The following ADPRS variants were observed in gnomAD, a reference collection of about 807,000 sequenced individuals.
ADPRS encodes ADP-ribosylhydrolase ARH3.
Under a neutral mutation model 32.1 loss-of-function variants are expected in ADPRS, and 25 were observed. That is an observed-to-expected ratio of 0.78 (90% CI 0.57 to 1.09). The LOEUF (loss-of-function observed/expected upper bound fraction) is 1.09. Ranked by LOEUF, ADPRS falls within the 50% of genes least tolerant of loss-of-function variation. The pLI is 0.00. For missense variants in ADPRS, 482 were observed against 480.6 expected, an observed-to-expected ratio of 1.00 and a Z score of -0.03; for synonymous variants, 225 against 201.0, an observed-to-expected ratio of 1.12 and a Z score of -1.01.
chr1:36,093,367 G>T lies in ADPRS; in HGVS notation c.1073G>T (p.Arg358Leu), dbSNP rs139356242. 93 of 1,613,476 alleles carry T rather than the reference G, an allele frequency of 5.8e-5. No individual in the cohort carries two copies. The African/African-American group carries it at 1.1e-3, about 20-fold the overall frequency. Residue 358 changes from arginine (R) to leucine (L), a missense_variant, in exon 6 of 6, where the codon CGT (arginine) becomes CTT (leucine). Transcript: ENST00000373178. Reference protein sequence around the residue: ...ETDILAQSLHRVFQKS With the variant: ...ETDILAQSLHLVFQKS ...GACATCCTGGCCCAAAGCCTGCACC[G>T]TGTCTTCCAGAAGAGTTGATGAGGG...
In ADPRS at chr1:36,091,618, A is replaced by AT; in HGVS notation, c.312dup (p.Ala105CysfsTer9). 1 of 1,586,690 alleles carries AT rather than the reference A, an allele frequency of 6.3e-7. No individual in the cohort carries two copies. ...TTCTGTCTCCCCTTCTGTTCCCTAGATTTGCTCAGGAGTACAAGAAAGACC... is the reference window on the plus strand; with the variant it reads ...TTCTGTCTCCCCTTCTGTTCCCTAGATTTTGCTCAGGAGTACAAGAAAGACC... On this transcript the variant is annotated frameshift_variant and splice_region_variant, in exon 3 of 6. Coordinates refer to ENST00000373178, the MANE Select transcript of ADPRS (RefSeq NM_017825.3). LOFTEE classifies it high-confidence loss of function.
At position 36,092,113 on chromosome 1, in the gene ADPRS, G is replaced by T; in HGVS notation, c.701+19G>T. ...CCAGGGAGTGAGTATGGGGCTGGAG[G>T]TGTGTGGTGTGGGTATGTGGGTGAT... is the stretch of plus-strand genomic sequence containing the variant. On this transcript the variant is annotated intron_variant, in intron 4 of 5. Transcript: ENST00000373178. The T allele has an allele frequency of 6.3e-7, 1 of 1,585,594 alleles. No individual in the cohort carries two copies. The highest frequency in any genetic ancestry group is 8.6e-7 in the Non-Finnish European group (1 of 1,162,730).
chr1:36,091,561 C>T (rs763266328), intron 2 of ADPRS, 57 bp from the exon 3 acceptor site: 23 of 1,495,304 alleles, frequency 1.5e-5, no homozygotes, highest in Non-Finnish European at 2.0e-5. Context: ...TTTCTTCTCT[C>T]CCAACCCTTA....
Position 36,089,127 on chromosome 1 carries a change from C to A in ADPRS, c.211+12C>A, listed in dbSNP as rs748847636. ...GAGTGAGCGGACAGGTGGGCGGGGC[C>A]GGGCGCAAGTCAGAGGCCGTGCGGG... On this transcript the variant is annotated intron_variant, in intron 1 of 5. Coordinates refer to ENST00000373178, the MANE Select transcript of ADPRS (RefSeq NM_017825.3). 1.4e-5 allele frequency: 20 copies of A among 1,403,274 alleles called. No individual in the cohort carries two copies. In the African/African-American group the frequency reaches 1.8e-4, roughly 13 times the overall value. 86.9% of individuals were successfully genotyped at this position (1,403,274 alleles called of 1,614,324 possible). A position where few individuals can be genotyped will look rare whatever the true frequency, so the allele number is the denominator to read the frequency against.
In ADPRS at chr1:36,091,972, G is replaced by C. The variant is rs1570012354; in HGVS notation, c.579G>C (p.Leu193=). 3.1e-6 allele frequency: 5 copies of C among 1,613,708 alleles called. No individual in the cohort carries two copies. In the East Asian group the frequency reaches 1.1e-4, roughly 36 times the overall value. Residue 193 remains leucine (L), a synonymous_variant, in exon 4 of 6, where the codon CTG becomes CTC. Coordinates refer to ENST00000373178, the MANE Select transcript of ADPRS (RefSeq NM_017825.3). The part of the protein sequence containing the change: ...ASSLGYNGAI[L]QALAVHLALQ... ...CCCTGGGTTACAATGGCGCCATCCT[G>C]CAGGCCCTGGCTGTGCACCTGGCCT...
rs1643439742 is a variant in ADPRS at position 36,088,986 on chromosome 1, G to C, written c.82G>C (p.Ala28Pro). Residue 28 changes from alanine (A) to proline (P), a missense_variant, in exon 1 of 6, where the codon GCT becomes CCT. Transcript: ENST00000373178. Reference sequence around the variant, plus strand: ...CCTCTCGCGCTTCCGAGGCTGCCTGGCTGGCGCGCTGCTCGGGGACTGCGT... The same window carrying C: ...CCTCTCGCGCTTCCGAGGCTGCCTGCCTGGCGCGCTGCTCGGGGACTGCGT... Reference protein sequence around the residue: ...RSLSRFRGCLAGALLGDCVGS... With the variant: ...RSLSRFRGCLPGALLGDCVGS... The C allele has an allele frequency of 6.7e-7, 1 of 1,484,660 alleles. No individual in the cohort carries two copies. The highest frequency in any genetic ancestry group is 1.5e-5 in the African/African-American group (1 of 68,080). The allele number at this position is 1,484,660 out of a possible 1,614,324, so 92.0% of individuals were successfully genotyped here.
chr1:36,091,505 G>T (rs923149943), intron 2 of ADPRS, 113 bp from the exon 3 acceptor site: 3 of 1,222,680 alleles, frequency 2.5e-6, no homozygotes, highest in South Asian at 2.9e-5. Context: ...GCTGGTGCAG[G>T]CTCCTTAGGC....
rs1192569244 is a variant in ADPRS, at chr1:36,089,019, T to C, written c.115T>C (p.Phe39Leu). The change falls in exon 1 of 6, where the codon TTC becomes CTC. Residue 39 changes from phenylalanine to leucine, a missense_variant. Physicochemically the swap from Phe to Leu is conservative, Grantham distance 22. Coordinates refer to ENST00000373178, the MANE Select transcript of ADPRS (RefSeq NM_017825.3). ...GCTGCTCGGGGACTGCGTGGGCTCC[T>C]TCTACGAGGCCCACGACACCGTCGA... ...GALLGDCVGS[F>L]YEAHDTVDLT... 6.8e-7 allele frequency: 1 copy of C among 1,476,754 alleles called. No homozygotes were observed. Among genetic ancestry groups the C allele is most frequent in the Admixed American group, 2.6e-5 (1 of 38,784 alleles). 91.5% of individuals were successfully genotyped at this position (1,476,754 alleles called of 1,614,324 possible).
chr1:36,092,083 G>A lies in ADPRS; in HGVS notation c.690G>A (p.Leu230=). ...EDLEGDAQSV[L]DARELGMEER... Reference sequence around the variant, plus strand: ...TGGAGGGTGATGCCCAGTCCGTCTTGGATGCCAGGGAGTGAGTATGGGGCT... The same window carrying A: ...TGGAGGGTGATGCCCAGTCCGTCTTAGATGCCAGGGAGTGAGTATGGGGCT... Residue 230 remains leucine (L), a synonymous_variant, in exon 4 of 6, where the codon TTG becomes TTA. Coordinates refer to ENST00000373178, the MANE Select transcript of ADPRS (RefSeq NM_017825.3). 1 of 1,606,832 alleles carries A rather than the reference G, an allele frequency of 6.2e-7. No homozygotes were observed. Among genetic ancestry groups the A allele is most frequent in the South Asian group, 1.1e-5 (1 of 90,156 alleles).
chr1:36,089,193 T>TC (rs1557732393), intron 1 of ADPRS, 78 bp downstream of exon 1: 1 of 1,354,104 alleles, frequency 7.4e-7, no homozygotes, highest in Non-Finnish European at 9.5e-7. Context: ...GGGCGACGGG[T>TC]CGGGGGTGCG....
In ADPRS at chr1:36,091,324, G is replaced by T; in HGVS notation, c.292G>T (p.Val98Leu). The T allele has an allele frequency of 1.2e-6, 2 of 1,614,126 alleles. No individual in the cohort carries two copies. The highest frequency in any genetic ancestry group is 1.1e-5 in the South Asian group (1 of 91,086). ...GCTAGCCAAGGAGGCCTTTGACGAG[G>T]TGGACATGGCTCACAGGTGAGGGGG... ...SLLAKEAFDEVDMAHRFAQEY... is the reference protein window; with the variant it reads ...SLLAKEAFDELDMAHRFAQEY... Residue 98 changes from valine to leucine, a missense_variant, in exon 2 of 6, where the codon GTG (valine) becomes TTG (leucine). By Grantham distance (32) the Val-to-Leu change is conservative. Coordinates refer to ENST00000373178, the MANE Select transcript of ADPRS (RefSeq NM_017825.3).
In ADPRS at chr1:36,091,350, A is replaced by G. The variant is rs1359583285; in HGVS notation, c.308+10A>G. ...TGGACATGGCTCACAGGTGAGGGGGATGGTCCTGGGCTGAGGCAAACCAGG... is the reference window on the plus strand; with the variant it reads ...TGGACATGGCTCACAGGTGAGGGGGGTGGTCCTGGGCTGAGGCAAACCAGG... On this transcript the variant is annotated intron_variant, in intron 2 of 5. Transcript: ENST00000373178. 3 of 1,612,780 alleles carry G rather than the reference A, an allele frequency of 1.9e-6. No individual in the cohort carries two copies. Among genetic ancestry groups the G allele is most frequent in the Non-Finnish European group, 2.5e-6 (3 of 1,178,996 alleles).
intron 1 of ADPRS, among the ~76,000 whole-genome samples, chr1:36,090,193 A>G (rs1643459773): frequency 6.6e-6 from 1 of 152,118 alleles, no homozygotes; most frequent in African/African-American, 2.4e-5. Flanking sequence ...ATGGTGGCGC[A>G]CACCTATAAT....
intron 1 of ADPRS, 39 bp downstream of exon 1, chr1:36,089,154 G>A (rs1643443305): frequency 1.4e-6 from 2 of 1,384,930 alleles, no homozygotes; most frequent in South Asian, 3.4e-5. Context: ...CCGTGCGGGA[G>A]GGAGGCCGAA....
At position 36,091,663 on chromosome 1, in the gene ADPRS, T is replaced by A; in HGVS notation, c.354T>A (p.Ala118=). The part of the protein sequence containing the change: ...YKKDPDRGYG[A]GVVTVFKKLL... Reference sequence around the variant, plus strand: ...AAGACCCTGACAGGGGCTATGGTGCTGGAGTAGTCACTGTCTTCAAGAAGC... The same window carrying A: ...AAGACCCTGACAGGGGCTATGGTGCAGGAGTAGTCACTGTCTTCAAGAAGC... The change falls in exon 3 of 6, where the codon GCT becomes GCA. Residue 118 remains alanine, a synonymous_variant. Coordinates refer to ENST00000373178, the MANE Select transcript of ADPRS (RefSeq NM_017825.3). 1 of 1,613,500 alleles carries A rather than the reference T, an allele frequency of 6.2e-7. No individual in the cohort carries two copies. The highest frequency in any genetic ancestry group is 8.5e-7 in the Non-Finnish European group (1 of 1,179,690).
Position 36,093,374 on chromosome 1 carries a change from C to T in ADPRS, c.1080C>T (p.Phe360=), listed in dbSNP as rs371064687. 1.2e-5 allele frequency: 19 copies of T among 1,612,940 alleles called. No individual in the cohort carries two copies. Among genetic ancestry groups the T allele is most frequent in the Non-Finnish European group, 1.6e-5 (19 of 1,179,210 alleles). ...TGGCCCAAAGCCTGCACCGTGTCTT[C>T]CAGAAGAGTTGATGAGGGCTACAGC... ...DILAQSLHRV[F]QKS is the part of the protein sequence containing the mutation. Residue 360 remains phenylalanine (F), a synonymous_variant, in exon 6 of 6, where the codon TTC becomes TTT. Coordinates refer to ENST00000373178, the MANE Select transcript of ADPRS (RefSeq NM_017825.3).
intron 4 of ADPRS, 145 bp downstream of exon 4, chr1:36,092,239 G>A (rs1308980970): frequency 3.9e-6 from 5 of 1,281,682 alleles, no homozygotes; most frequent in Admixed American, 5.6e-5. Context: ...ATGTTTCAAG[G>A]CTCTCAGGGT....
In ADPRS at chr1:36,091,320, C is replaced by T. The variant is rs139465196; in HGVS notation, c.288C>T (p.Asp96=). 1.7e-4 allele frequency: 267 copies of T among 1,614,134 alleles called. 2 individuals carry two copies. The highest frequency in any genetic ancestry group is 1.3e-3 in the Middle Eastern group (8 of 6,062). Residue 96 remains aspartate, a synonymous_variant, in exon 2 of 6, where the codon GAC becomes GAT. Transcript: ENST00000373178. ...VQSLLAKEAF[D]EVDMAHRFAQ... ...CCCTGCTAGCCAAGGAGGCCTTTGACGAGGTGGACATGGCTCACAGGTGAG... is the reference window on the plus strand; with the variant it reads ...CCCTGCTAGCCAAGGAGGCCTTTGATGAGGTGGACATGGCTCACAGGTGAG...
intron 1 of ADPRS, among the ~76,000 whole-genome samples, chr1:36,090,405 CATA>C (rs1014132183): frequency 2.4e-4 from 37 of 152,162 alleles, no homozygotes; most frequent in African/African-American, 8.4e-4. Flanking sequence ...GATGTAGGCT[CATA>C]ATAAATAAAT....
Sources: allele counts gnomAD v4.1 joint callset (sites outside exome capture counted in the v4.1 genomes callset), GRCh38; gene constraint gnomAD v4.1.1; transcripts MANE v1.5; gene names NCBI Gene and HGNC (gene_info 2026-07-23, HGNC 2026-07-21).